Variants in PDE9A observed in about 807,000 individuals in gnomAD.
The protein encoded by PDE9A is phosphodiesterase 9A, also known as high affinity cGMP-specific 3',5'-cyclic phosphodiesterase 9A.
A neutral mutation model predicts 87.4 loss-of-function variants in PDE9A; 60 were observed. That is an observed-to-expected ratio of 0.69 (90% CI 0.56 to 0.85). The LOEUF (loss-of-function observed/expected upper bound fraction) is 0.85, where lower values mean the gene tolerates loss of function less well. Ranked by LOEUF, PDE9A falls within the 40% of genes least tolerant of loss-of-function variation. The probability of loss-of-function intolerance (pLI) is 0.00; values close to 1 mark genes in which losing one functional copy is unlikely to be tolerated. For missense variants in PDE9A, 665 were observed against 779.0 expected (o/e 0.85, Z 1.74); for synonymous variants, 272 against 279.4 (o/e 0.97, Z 0.27).
At position 42,675,450 on chromosome 21, in the gene PDE9A, A is replaced by G. The variant is rs2058797970; in HGVS notation, c.70-10742A>G. On this transcript the variant is annotated intron_variant, in intron 1 of 19. Transcript: ENST00000291539. This position sits in a 1 kb window ranked among gnomAD's most constrained non-coding sequence, Gnocchi z 4.3. ...GATTAGATCGTCCGTGGAAAGCACC[A>G]GAATGGTGCCTGGCACTTAATAAAT... Among the ~76,000 whole-genome samples, 2 of 152,262 alleles carry G rather than the reference A, an allele frequency of 1.3e-5. No individual in the cohort carries two copies. The highest frequency in any genetic ancestry group is 1.3e-4 in the Admixed American group (2 of 15,288).
chr21:42,751,569 T>C (rs1458084818), intron 9 of PDE9A, among the ~76,000 whole-genome samples: 1 of 152,192 alleles, frequency 6.6e-6, no homozygotes, highest in East Asian at 1.9e-4. Context: ...CAATTCTTAG[T>C]TGTCCTGGCA....
At chr21:42,698,589 G>A (rs899595965) in intron 3 of PDE9A, among the ~76,000 whole-genome samples, 41 of 152,116 alleles carry the variant, frequency 2.7e-4, no homozygotes, top group African/African-American at 7.2e-4. Context: ...GGATACAGCC[G>A]CCATCAGCTC....
At chr21:42,676,907 A>G (rs1241849173) in intron 1 of PDE9A, among the ~76,000 whole-genome samples, 3 of 152,232 alleles carry the variant, frequency 2.0e-5, no homozygotes, top group Non-Finnish European at 2.9e-5. Context: ...GGTGAAATGT[A>G]AGATGCTCGA....
chr21:42,670,585 G>A (rs948448847), intron 1 of PDE9A, among the ~76,000 whole-genome samples: 1 of 148,640 alleles, frequency 6.7e-6, no homozygotes, highest in Non-Finnish European at 1.5e-5. Context: ...CCACATACAC[G>A]CATACACTTA....
intron 1 of PDE9A, among the ~76,000 whole-genome samples, chr21:42,674,583 C>T (rs1358802532): frequency 3.3e-5 from 5 of 152,112 alleles, no homozygotes; most frequent in Non-Finnish European, 2.9e-5. Context: ...GAGGCCTCTC[C>T]CCTTCCCTTC....
chr21:42,733,795 A>G (rs1436061925), intron 7 of PDE9A: 3 of 208,596 alleles, frequency 1.4e-5, no homozygotes, highest in Non-Finnish European at 2.0e-5. Flanking sequence ...CCTGTGGGTC[A>G]TAATTTTTTG....
At chr21:42,735,124 T>C (rs2052258422) in intron 7 of PDE9A, among the ~76,000 whole-genome samples, 1 of 152,234 alleles carries the variant, frequency 6.6e-6, no homozygotes, top group South Asian at 2.1e-4. Flanking sequence ...TCAGAGGTTG[T>C]GCAGCAGCAA....
At chr21:42,746,223 C>T (rs865999017) in intron 8 of PDE9A, among the ~76,000 whole-genome samples, 1 of 152,198 alleles carries the variant, frequency 6.6e-6, no homozygotes, top group African/African-American at 2.4e-5. Flanking sequence ...ACTAGTCCTG[C>T]AGGTCAGGTT....
intron 3 of PDE9A, chr21:42,697,368 A>G (rs1275825815): frequency 2.6e-6 from 3 of 1,156,052 alleles, no homozygotes; most frequent in Non-Finnish European, 3.9e-6. Flanking sequence ...CACCATGAAC[A>G]GCTTGGTGTG....
intron 4 of PDE9A, among the ~76,000 whole-genome samples, chr21:42,726,934 A>C (rs954165584): frequency 1.1e-4 from 17 of 151,620 alleles, no homozygotes; most frequent in African/African-American, 3.9e-4. Flanking sequence ...CCAGTACCTC[A>C]CAGTCTTGAT....
rs537373190 is a variant in PDE9A, at chr21:42,691,795, A to T, written c.218+3801A>T. 2.8e-5 allele frequency among the ~76,000 whole-genome samples: 4 copies of T among 142,304 alleles called. No individual in the cohort carries two copies. The East Asian group carries it at 8.4e-4, about 30-fold the overall frequency. 93.4% of individuals were successfully genotyped at this position (142,304 alleles called of 152,430 possible). A position where few individuals can be genotyped will look rare whatever the true frequency, so the allele number is the denominator to read the frequency against. ...ACCATCACCATCCAAAGTCTTCCAG[A>T]CCCATCATCATCACCATTTGAGGTC... On this transcript the variant is annotated intron_variant, in intron 3 of 19. Transcript: ENST00000291539.
At chr21:42,678,818 C>T (rs2058997349) in intron 1 of PDE9A, among the ~76,000 whole-genome samples, 2 of 152,172 alleles carry the variant, frequency 1.3e-5, no homozygotes, top group Non-Finnish European at 1.5e-5. Context: ...CGGGGACAGG[C>T]AAGCATGACA....
chr21:42,712,431 A>G (rs2049437682), intron 4 of PDE9A, among the ~76,000 whole-genome samples: 1 of 152,248 alleles, frequency 6.6e-6, no homozygotes, highest in Admixed American at 6.5e-5. Flanking sequence ...ATAGGTTCCT[A>G]TAATTGTCCA....
At chr21:42,766,633 A>G (rs1052753100) in intron 15 of PDE9A, among the ~76,000 whole-genome samples, 2 of 152,168 alleles carry the variant, frequency 1.3e-5, no homozygotes, top group African/African-American at 2.4e-5. Flanking sequence ...GAGCTCCCGC[A>G]GGCAAGGGCT....
chr21:42,708,742 G>A (rs781767720), intron 4 of PDE9A, among the ~76,000 whole-genome samples: 35 of 152,090 alleles, frequency 2.3e-4, no homozygotes, highest in Admixed American at 5.2e-4. Flanking sequence ...TTTTAGTAGA[G>A]ACAAGGTTTC....
In PDE9A at chr21:42,705,129, A is replaced by G. The variant is rs574104729; in HGVS notation, c.262+6118A>G. Among the ~76,000 whole-genome samples, 1 of 152,292 alleles carries G rather than the reference A, an allele frequency of 6.6e-6. No individual in the cohort carries two copies. The highest frequency in any genetic ancestry group is 2.1e-4 in the South Asian group (1 of 4,826). Reference sequence around the variant, plus strand: ...TAGAGTAGAAGGAATGGCCCCGTCCACGCGAAGGTCTGTGTTCACCAAGCA... The same window carrying G: ...TAGAGTAGAAGGAATGGCCCCGTCCGCGCGAAGGTCTGTGTTCACCAAGCA... On this transcript the variant is annotated intron_variant, in intron 4 of 19. Transcript: ENST00000291539. This position sits in a 1 kb window ranked among gnomAD's most constrained non-coding sequence, Gnocchi z 4.3.
At chr21:42,680,771 A>C (rs2059126454) in intron 1 of PDE9A, among the ~76,000 whole-genome samples, 1 of 152,158 alleles carries the variant, frequency 6.6e-6, no homozygotes, top group South Asian at 2.1e-4. Flanking sequence ...ACCCCTCCCC[A>C]GGCCTCCATT....
At chr21:42,714,755 A>G (rs113796161) in intron 4 of PDE9A, among the ~76,000 whole-genome samples, 114 of 72,420 alleles carry the variant, frequency 1.6e-3, no homozygotes, top group African/African-American at 2.5e-3. Flanking sequence ...GATATGGTTG[A>G]GGTTAGCTCT....
At chr21:42,676,290 T>TA (rs1320027852) in intron 1 of PDE9A, among the ~76,000 whole-genome samples, 6 of 152,212 alleles carry the variant, frequency 3.9e-5, no homozygotes, top group Non-Finnish European at 1.5e-5. Flanking sequence ...CATGTGCACT[T>TA]ACTTCTGCAC....
Sources: gnomAD v4.1 joint callset for allele counts (sites outside exome capture counted in the v4.1 genomes callset) on GRCh38, gnomAD v4.1.1 for gene constraint, Gnocchi (gnomAD v3.1) non-coding constraint, MANE v1.5 for transcripts, NCBI Gene and HGNC (gene_info 2026-07-23, HGNC 2026-07-21) for gene names.